Variants in GRIP1 observed in about 807,000 individuals in gnomAD.
The protein encoded by GRIP1 is glutamate receptor interacting protein 1, also known as glutamate receptor-interacting protein 1.
Under a neutral mutation model 129.9 loss-of-function variants are expected in GRIP1, and 45 were observed. The ratio of observed to expected loss-of-function variants is 0.35; its 90% CI spans 0.27 to 0.44. The LOEUF (loss-of-function observed/expected upper bound fraction) is 0.44, where lower values mean the gene tolerates loss of function less well. GRIP1 is among the 20% of genes least tolerant of loss of function. GRIP1 has a pLI of 1.00. For missense variants in GRIP1, 1,196 were observed against 1,396.8 expected, an observed-to-expected ratio of 0.86 and a Z score of 2.29; for synonymous variants, 530 against 520.8, an observed-to-expected ratio of 1.02 and a Z score of -0.24.
intron 1 of GRIP1, among the ~76,000 whole-genome samples, chr12:66,702,796 G>A (rs888755006): frequency 3.9e-5 from 6 of 152,164 alleles, no homozygotes; most frequent in African/African-American, 1.4e-4. Flanking sequence ...AAAGGGGTAA[G>A]GGTCTTTTCT....
chr12:66,650,278 T>C (rs1871549), intron 1 of GRIP1, among the ~76,000 whole-genome samples: 78,793 of 152,044 alleles, frequency 0.52, 21,895 homozygotes, highest in East Asian at 0.78. Flanking sequence ...CTATGCCACC[T>C]GTATCTCAGG....
intron 1 of GRIP1, among the ~76,000 whole-genome samples, chr12:66,991,017 T>C (rs772932800): frequency 6.7e-6 from 1 of 149,468 alleles, no homozygotes; most frequent in Non-Finnish European, 1.5e-5. Context: ...AAACTATCTG[T>C]AATCCCAGCA....
chr12:67,043,704 C>A (rs917389683), intron 1 of GRIP1, among the ~76,000 whole-genome samples: 4 of 152,034 alleles, frequency 2.6e-5, no homozygotes, highest in African/African-American at 9.7e-5. Context: ...CTTATCAGTA[C>A]TATTTAAGGC....
intron 1 of GRIP1, among the ~76,000 whole-genome samples, chr12:66,840,809 T>C (rs911463774): frequency 1.1e-4 from 16 of 152,150 alleles, no homozygotes; most frequent in African/African-American, 2.9e-4. Context: ...TGGCCCTCTA[T>C]TGCCTGACTG....
intron 1 of GRIP1, among the ~76,000 whole-genome samples, chr12:66,785,343 C>CATATATAT (rs199738180): frequency 0.036 from 2,642 of 72,668 alleles, 170 homozygotes; most frequent in East Asian, 0.091. Flanking sequence ...TACATACATA[C>CATATATAT]ATATATATAT....
intron 19 of GRIP1, among the ~76,000 whole-genome samples, chr12:66,382,851 A>G (rs1477091160): frequency 6.6e-6 from 1 of 152,232 alleles, no homozygotes; most frequent in Non-Finnish European, 1.5e-5. Flanking sequence ...AGCATGTGAA[A>G]GTGTCATCCT....
At chr12:66,796,638 C>G (rs560891566) in intron 1 of GRIP1, among the ~76,000 whole-genome samples, 2 of 152,128 alleles carry the variant, frequency 1.3e-5, no homozygotes, top group Non-Finnish European at 2.9e-5. Context: ...AGCTTGCTGA[C>G]TCCACTAGGG....
chr12:66,638,897 C>T (rs946545529), intron 1 of GRIP1, among the ~76,000 whole-genome samples: 3 of 152,150 alleles, frequency 2.0e-5, no homozygotes, highest in Non-Finnish European at 4.4e-5. Context: ...TACTCAACAG[C>T]TCTGTGCCTT....
chr12:66,583,593 C>T lies in GRIP1; in HGVS notation c.136+13254G>A, dbSNP rs1441754361. On this transcript the variant is annotated intron_variant, in intron 2 of 24. Coordinates refer to ENST00000359742, the MANE Select transcript of GRIP1 (RefSeq NM_001366722.1). Reference sequence around the variant, plus strand: ...ACAAACAACCCCATCAAAAAGTGGGCGAAGGACGTGAACAGACACCTCTCA... The same window carrying T: ...ACAAACAACCCCATCAAAAAGTGGGTGAAGGACGTGAACAGACACCTCTCA... Among the ~76,000 whole-genome samples, 12 of 137,942 alleles carry T rather than the reference C, an allele frequency of 8.7e-5. 1 individual carries two copies. Among genetic ancestry groups the T allele is most frequent in the African/African-American group, 2.9e-4 (11 of 37,632 alleles). 90.5% of individuals were successfully genotyped at this position (137,942 alleles called of 152,430 possible).
At position 66,880,325 on chromosome 12, in the gene GRIP1, C is replaced by T. The variant is rs192110860; in HGVS notation, c.58+188725G>A. Among the ~76,000 whole-genome samples, 59 of 152,150 alleles carry T rather than the reference C, an allele frequency of 3.9e-4. No individual in the cohort carries two copies. The East Asian group carries it at 0.011, about 29-fold the overall frequency. ...ATGGGTGAAAACTTTAGGATAATGT[C>T]AAATACAGCCATGTTAATTAAAGTG... On this transcript the variant is annotated intron_variant, in intron 1 of 1. Coordinates refer to the GRIP1 transcript ENST00000643019.
At chr12:66,547,943 AT>A (rs1218429842) in intron 2 of GRIP1, among the ~76,000 whole-genome samples, 2 of 152,174 alleles carry the variant, frequency 1.3e-5, no homozygotes, top group East Asian at 1.9e-4. Context: ...TTTCTATATT[AT>A]TTTCTACAAC....
intron 1 of GRIP1, among the ~76,000 whole-genome samples, chr12:66,715,838 C>A (rs901266937): frequency 1.3e-5 from 2 of 151,912 alleles, no homozygotes; most frequent in African/African-American, 4.8e-5. Context: ...TATTTGAAAC[C>A]ATTTAAGAGG....
In GRIP1 at chr12:66,467,606, G is replaced by T. The variant is rs79254569; in HGVS notation, c.725-2184C>A. Among the ~76,000 whole-genome samples, 586 of 152,282 alleles carry T rather than the reference G, an allele frequency of 3.8e-3. 4 individuals carry two copies. Among genetic ancestry groups the T allele is most frequent in the African/African-American group, 0.013 (528 of 41,552 alleles). ...TAGTTGTCCTTCTATCACTAAGGTG[G>T]TTAGTTTTGCCCACCTCTCAATTTT... On this transcript the variant is annotated intron_variant, in intron 7 of 24. Coordinates refer to ENST00000359742, the MANE Select transcript of GRIP1 (RefSeq NM_001366722.1).
intron 1 of GRIP1, among the ~76,000 whole-genome samples, chr12:66,603,934 G>C (rs2139818728): frequency 6.6e-6 from 1 of 152,326 alleles, no homozygotes; most frequent in African/African-American, 2.4e-5. Flanking sequence ...AAGGTGGAGA[G>C]AGGAAATGGT....
At chr12:67,050,753 G>A (rs149894879) in intron 1 of GRIP1, among the ~76,000 whole-genome samples, 2 of 152,186 alleles carry the variant, frequency 1.3e-5, no homozygotes, top group South Asian at 2.1e-4. Context: ...CAGTAGCAAA[G>A]GTGTCCTATA....
rs372210753 is a variant in GRIP1, at chr12:66,748,008, AGT to A, written c.-420+56043_-420+56044del. Among the ~76,000 whole-genome samples the A allele has an allele frequency of 4.0e-5, 6 of 150,964 alleles. No individual in the cohort carries two copies. In the South Asian group the frequency reaches 6.3e-4, roughly 16 times the overall value. On this transcript the variant is annotated intron_variant, in intron 1 of 4. Transcript: ENST00000538373. ...TATAAATATGTATTTGTTTATTGTC[AGT>A]GTGTGTGTGTGTGTGTATTTTTTTT...
intron 2 of GRIP1, among the ~76,000 whole-genome samples, chr12:66,574,171 C>T (rs1386742698): frequency 1.2e-4 from 18 of 152,206 alleles, no homozygotes; most frequent in Non-Finnish European, 2.5e-4. Flanking sequence ...TCCTCATCTG[C>T]AGGGCTGGGT....
At chr12:66,883,177 C>A (rs953009560) in intron 1 of GRIP1, among the ~76,000 whole-genome samples, 3 of 152,114 alleles carry the variant, frequency 2.0e-5, no homozygotes, top group Non-Finnish European at 2.9e-5. Context: ...ACATGAAAAC[C>A]CATAATGCCA....
intron 1 of GRIP1, among the ~76,000 whole-genome samples, chr12:66,786,939 C>A (rs1019238058): frequency 3.3e-5 from 5 of 152,176 alleles, no homozygotes; most frequent in African/African-American, 7.2e-5. Context: ...ACCCTCAGGT[C>A]TAATCCTTTT....
Sources: gnomAD v4.1 joint callset for allele counts (sites outside exome capture counted in the v4.1 genomes callset) on GRCh38, gnomAD v4.1.1 for gene constraint, MANE v1.5 for transcripts, NCBI Gene and HGNC (gene_info 2026-07-23, HGNC 2026-07-21) for gene names.